CACNG2: variants seen among roughly 807,000 people sequenced by gnomAD.
CACNG2 encodes the protein voltage-dependent calcium channel gamma-2 subunit.
CACNG2 carries 3 observed loss-of-function variants against 25.9 expected under a neutral mutation model. The ratio of observed to expected loss-of-function variants is 0.12; its 90% CI spans 0.05 to 0.30. CACNG2 has a LOEUF of 0.30. Ranked by LOEUF, CACNG2 falls within the 10% of genes least tolerant of loss-of-function variation. CACNG2 has a pLI of 1.00. For missense variants in CACNG2, 341 were observed against 432.5 expected (o/e 0.79, Z 1.88); for synonymous variants, 167 against 173.3 (o/e 0.96, Z 0.29).
At chr22:36,677,513 C>T (rs1304686934) in intron 1 of CACNG2, among the ~76,000 whole-genome samples, 1 of 152,172 alleles carries the variant, frequency 6.6e-6, no homozygotes, top group Non-Finnish European at 1.5e-5. Flanking sequence ...ACAAGCTTAT[C>T]TCATTAATCA....
At chr22:36,667,305 T>A (rs1326347182) in intron 1 of CACNG2, among the ~76,000 whole-genome samples, 2 of 152,200 alleles carry the variant, frequency 1.3e-5, no homozygotes, top group African/African-American at 4.8e-5. Context: ...TTCCTCACCG[T>A]TGTCCACCCT....
intron 1 of CACNG2, among the ~76,000 whole-genome samples, chr22:36,637,604 A>G (rs1468930193): frequency 2.0e-5 from 3 of 152,168 alleles, no homozygotes; most frequent in Non-Finnish European, 1.5e-5. Context: ...ATCTCATTCA[A>G]TGACAATCGT....
intron 1 of CACNG2, 36 bp from the exon 2 acceptor site, chr22:36,587,584 C>T: frequency 6.5e-7 from 1 of 1,527,982 alleles, no homozygotes; most frequent in Non-Finnish European, 9.1e-7. Context: ...CATGAAACAT[C>T]ATAGTTTTGG....
chr22:36,647,863 TTGTG>T (rs71789151), intron 1 of CACNG2, among the ~76,000 whole-genome samples: 20,762 of 151,742 alleles, frequency 0.14, 3,788 homozygotes, highest in African/African-American at 0.42. Context: ...CAGTTTGTAG[TTGTG>T]TGTGTGTGTG....
chr22:36,637,307 A>G (rs1936371787), intron 1 of CACNG2, among the ~76,000 whole-genome samples: 1 of 152,220 alleles, frequency 6.6e-6, no homozygotes, highest in Admixed American at 6.5e-5. Flanking sequence ...GTGCCCAGGG[A>G]CTGGTAATTG....
intron 1 of CACNG2, among the ~76,000 whole-genome samples, chr22:36,645,527 A>C (rs1193287619): frequency 1.6e-4 from 23 of 140,086 alleles, no homozygotes; most frequent in Non-Finnish European, 3.5e-4. Flanking sequence ...ACAGAGCAAG[A>C]CTCTGTCTCA....
chr22:36,562,794 C>T lies in CACNG2; in HGVS notation c.*1557G>A, dbSNP rs1439445054. The T allele has an allele frequency of 6.6e-6, 1 of 152,264 alleles. No individual in the cohort carries two copies. The highest frequency in any genetic ancestry group is 2.4e-5 in the African/African-American group (1 of 41,406). The allele number at this position is 152,264 out of a possible 1,614,324, so 9.4% of individuals were successfully genotyped here. On this transcript the variant is annotated 3_prime_UTR_variant, in exon 4 of 4. Transcript: ENST00000300105. The stretch of plus-strand genomic sequence containing the variant: ...GGATTCTGTCTTCCCCCATTCGCAG[C>T]ACCTTCCTTGTCTGAGGAAGCCACC...
At chr22:36,600,225 T>G (rs977552486) in intron 1 of CACNG2, among the ~76,000 whole-genome samples, 3 of 152,154 alleles carry the variant, frequency 2.0e-5, no homozygotes, top group African/African-American at 7.2e-5. Flanking sequence ...GAGAAAGAAA[T>G]AAACTATCAA....
chr22:36,595,019 ATG>A (rs969861109), intron 1 of CACNG2, among the ~76,000 whole-genome samples: 4 of 133,200 alleles, frequency 3.0e-5, no homozygotes, highest in African/African-American at 8.7e-5. Context: ...AAGTCTGCAT[ATG>A]TGTGTGTGTG....
rs1020904743 is a variant in CACNG2 at position 36,652,413 on chromosome 22, C to A, written c.211+49953G>T. ...CCTCTCAGCAGTACAGTCTCTCGGG[C>A]CTTCTTCTCACCCTGCAAACATGTT... On this transcript the variant is annotated intron_variant, in intron 1 of 3. Coordinates refer to ENST00000300105, the MANE Select transcript of CACNG2 (RefSeq NM_006078.5). 1.6e-4 allele frequency among the ~76,000 whole-genome samples: 25 copies of A among 152,294 alleles called. 1 individual carries two copies. Among genetic ancestry groups the A allele is most frequent in the African/African-American group, 5.8e-4 (24 of 41,562 alleles).
At chr22:36,630,772 A>G (rs1381998220) in intron 1 of CACNG2, among the ~76,000 whole-genome samples, 22 of 152,194 alleles carry the variant, frequency 1.4e-4, no homozygotes, top group South Asian at 4.1e-4. Flanking sequence ...GTCATAGCCC[A>G]GGCAGAGTTG....
intron 1 of CACNG2, among the ~76,000 whole-genome samples, chr22:36,602,813 T>C (rs981631680): frequency 6.6e-6 from 1 of 152,242 alleles, no homozygotes; most frequent in African/African-American, 2.4e-5. Flanking sequence ...TGATAAATGC[T>C]ATGTATGTTC....
At chr22:36,587,920 C>T (rs1935530526) in intron 1 of CACNG2, among the ~76,000 whole-genome samples, 1 of 152,246 alleles carries the variant, frequency 6.6e-6, no homozygotes, top group Non-Finnish European at 1.5e-5. Flanking sequence ...TGGGAGTCAT[C>T]CTGCATTTTA....
At chr22:36,588,684 A>G (rs538242370) in intron 1 of CACNG2, among the ~76,000 whole-genome samples, 2 of 152,318 alleles carry the variant, frequency 1.3e-5, no homozygotes, top group Admixed American at 1.3e-4. Context: ...GAGTGGCGAT[A>G]ACAAGAATTC....
intron 1 of CACNG2, among the ~76,000 whole-genome samples, chr22:36,664,402 C>T (rs997003480): frequency 6.6e-6 from 1 of 152,220 alleles, no homozygotes; most frequent in Non-Finnish European, 1.5e-5. Context: ...TGAGCAAGGT[C>T]CTTGTTTCTC....
At position 36,661,966 on chromosome 22, in the gene CACNG2, C is replaced by CTTTTTTTT. The variant is rs71193254; in HGVS notation, c.211+40392_211+40399dup. 1.5e-3 allele frequency among the ~76,000 whole-genome samples: 65 copies of CTTTTTTTT among 44,580 alleles called. 14 individuals are homozygous for CTTTTTTTT. Among genetic ancestry groups the CTTTTTTTT allele is most frequent in the East Asian group, 5.5e-3 (4 of 722 alleles). The allele number at this position is 44,580 out of a possible 152,430, so 29.2% of individuals were successfully genotyped here. ...TGCTTCCTATGGACTCATTGCTATT[C>CTTTTTTTT]TTTTTTTTTTTTTTTTTTTTTTTTT... On this transcript the variant is annotated intron_variant, in intron 1 of 3. Coordinates refer to ENST00000300105, the MANE Select transcript of CACNG2 (RefSeq NM_006078.5).
At chr22:36,672,872 C>T (rs1363379078) in intron 1 of CACNG2, among the ~76,000 whole-genome samples, 1 of 152,224 alleles carries the variant, frequency 6.6e-6, no homozygotes, top group Non-Finnish European at 1.5e-5. Context: ...TGGCATCTGC[C>T]TTGCAGCTGT....
At chr22:36,569,201 C>T (rs1396715583) in intron 2 of CACNG2, among the ~76,000 whole-genome samples, 1 of 152,124 alleles carries the variant, frequency 6.6e-6, no homozygotes, top group African/African-American at 2.4e-5. Context: ...TGAGCAGGTA[C>T]CTAACATATA....
chr22:36,627,769 T>C (rs1387421321), intron 1 of CACNG2, among the ~76,000 whole-genome samples: 1 of 151,878 alleles, frequency 6.6e-6, no homozygotes, highest in Non-Finnish European at 1.5e-5. Flanking sequence ...ACTACAGGCG[T>C]GCGCCACCAT....
Sources: allele counts gnomAD v4.1 joint callset (sites outside exome capture counted in the v4.1 genomes callset), GRCh38; gene constraint gnomAD v4.1.1; transcripts MANE v1.5; gene names NCBI Gene and HGNC (gene_info 2026-07-23, HGNC 2026-07-21).